Variants in RPL10 observed in about 807,000 individuals in gnomAD.
The protein encoded by RPL10 is large ribosomal subunit protein uL16.
RPL10 carries 1 observed loss-of-function variant against 15.7 expected under a neutral mutation model. The ratio of observed to expected loss-of-function variants is 0.06; its 90% CI spans 0.02 to 0.30. The LOEUF (loss-of-function observed/expected upper bound fraction) is 0.30, where lower values mean the gene tolerates loss of function less well. RPL10 is among the 10% of genes least tolerant of loss of function. The pLI is 1.00. For synonymous variants in RPL10, 59 were observed against 64.0 expected, an observed-to-expected ratio of 0.92 and a Z score of 0.37; for missense variants, 54 against 183.4, an observed-to-expected ratio of 0.29 and a Z score of 4.08.
Position 154,398,388 on chromosome X carries a change from C to A in RPL10, c.-30C>A, listed in dbSNP as rs782405806. The A allele has an allele frequency of 1.6e-5, 13 of 820,064 alleles. No homozygotes were observed. Among genetic ancestry groups the A allele is most frequent in the Non-Finnish European group, 2.0e-5 (11 of 542,994 alleles). 67.6% of individuals were successfully genotyped at this position (820,064 alleles called of 1,213,427 possible). A position where few individuals can be genotyped will look rare whatever the true frequency, so the allele number is the denominator to read the frequency against. On this transcript the variant is annotated 5_prime_UTR_variant, in exon 1 of 7. Coordinates refer to ENST00000369817, the MANE Select transcript of RPL10 (RefSeq NM_006013.5). ...AGGCGGAGGAGCGCCTCTTTCCCTT[C>A]GGTGTGGTGAGTAAGCGCAGTTGTC... is the stretch of plus-strand genomic sequence containing the variant.
chrX:154,399,250 C>A, intron 2 of RPL10, 88 bp from the exon 3 acceptor site: 1 of 949,382 alleles, frequency 1.1e-6, no homozygotes, highest in Non-Finnish European at 1.5e-6. Flanking sequence ...TTTTCCCGTC[C>A]CTCGTTTGGG....
At chrX:154,398,182 C>A (rs1557184709), upstream of RPL10, 2 of 430,879 alleles carry the variant, frequency 4.6e-6, no homozygotes, top group Admixed American at 3.2e-5. Context: ...GTCAGCTGGC[C>A]GCCCGCGGCC....
At position 154,401,075 on chromosome X, in the gene RPL10, A is replaced by G. The variant is rs1430969870; in HGVS notation, c.*221A>G. On this transcript the variant is annotated 3_prime_UTR_variant, in exon 7 of 7. Coordinates refer to ENST00000369817, the MANE Select transcript of RPL10 (RefSeq NM_006013.5). Reference sequence around the variant, plus strand: ...ACTGGTGGCCTTATGTCAGTTGTCTACTCTGGAGCTTGACTTGGACCTCCC... The same window carrying G: ...ACTGGTGGCCTTATGTCAGTTGTCTGCTCTGGAGCTTGACTTGGACCTCCC... The G allele has an allele frequency of 1.9e-6, 2 of 1,039,129 alleles. No homozygotes were observed. Among genetic ancestry groups the G allele is most frequent in the African/African-American group, 3.8e-5 (2 of 52,678 alleles). The allele number at this position is 1,039,129 out of a possible 1,213,427, so 85.6% of individuals were successfully genotyped here.
chrX:154,401,544 T>A lies in RPL10; in HGVS notation c.*690T>A, dbSNP rs2068035360. On this transcript the variant is annotated 3_prime_UTR_variant, in exon 7 of 7. Coordinates refer to ENST00000369817, the MANE Select transcript of RPL10 (RefSeq NM_006013.5). ...GTGGCATGGTTTGGCCTGGGGATCT[T>A]AGATGTCTGACCTGAACTATTGTAG... 1 of 117,011 alleles carries A rather than the reference T, an allele frequency of 8.5e-6. No homozygotes were observed. Among genetic ancestry groups the A allele is most frequent in the African/African-American group, 3.2e-5 (1 of 30,813 alleles). The allele number at this position is 117,011 out of a possible 1,213,427, so 9.6% of individuals were successfully genotyped here. A position where few individuals can be genotyped will look rare whatever the true frequency, so the allele number is the denominator to read the frequency against.
rs369963498 is a variant in RPL10, at chrX:154,400,856, G to C, written c.*2G>C. The C allele has an allele frequency of 7.4e-6, 9 of 1,211,268 alleles. No homozygotes were observed. The highest frequency in any genetic ancestry group is 3.5e-5 in the South Asian group (2 of 56,945). ...AAGTGGCGGGCCCTGCACTCATGAG[G>C]GCTTCCAATGTGCTGCCCCCCTCTT... is the stretch of plus-strand genomic sequence containing the variant. On this transcript the variant is annotated 3_prime_UTR_variant, in exon 7 of 7. Coordinates refer to ENST00000369817, the MANE Select transcript of RPL10 (RefSeq NM_006013.5).
At chrX:154,399,311 A>T in intron 2 of RPL10, 27 bp from the exon 3 acceptor site, 1 of 1,207,082 alleles carries the variant, frequency 8.3e-7, no homozygotes, top group Non-Finnish European at 1.1e-6. Flanking sequence ...AACCTCACCT[A>T]ACCTGTGTTT....
At chrX:154,398,687 G>A in intron 2 of RPL10, 145 bp downstream of exon 2, 1 of 721,088 alleles carries the variant, frequency 1.4e-6, no homozygotes, top group Admixed American at 2.6e-5. Flanking sequence ...ACACCTCCCG[G>A]CTATTTTTTA....
intron 5 of RPL10, 52 bp downstream of exon 5, chrX:154,399,993 C>T (rs1557185545): frequency 4.2e-6 from 5 of 1,193,858 alleles, no homozygotes; most frequent in South Asian, 1.8e-5. Context: ...CATTATTAGG[C>T]TTGCATTATT....
chrX:154,400,090 CAG>C (rs2067997048), intron 5 of RPL10, 149 bp downstream of exon 5: 1 of 674,478 alleles, frequency 1.5e-6, no homozygotes, highest in Admixed American at 2.6e-5. Context: ...AGTGGTCACT[CAG>C]GACCCCTTCC....
At chrX:154,398,654 C>A in intron 2 of RPL10, 112 bp downstream of exon 2, 1 of 937,154 alleles carries the variant, frequency 1.1e-6, no homozygotes, top group Non-Finnish European at 1.5e-6. Context: ...GCGGCCCTGT[C>A]TTGGGAACTG....
chrX:154,398,203 G>A (rs782518238), upstream of RPL10: 2 of 458,321 alleles, frequency 4.4e-6, no homozygotes, highest in South Asian at 5.1e-5. Flanking sequence ...CTGGTACCCG[G>A]TCACCTCTCT....
chrX:154,401,912 CTCT>C lies in RPL10; in HGVS notation c.*1063_*1065del, dbSNP rs782150080. ...TCCCAGCCAGTGTTTTTCCTGACCTCTCTTCTTTGGAGAGGAGGATGGAAGGGA... is the reference window on the plus strand; with the variant it reads ...TCCCAGCCAGTGTTTTTCCTGACCTCTCTTTGGAGAGGAGGATGGAAGGGA... On this transcript the variant is annotated 3_prime_UTR_variant, in exon 7 of 7. Coordinates refer to ENST00000369817, the MANE Select transcript of RPL10 (RefSeq NM_006013.5). 8.9e-5 allele frequency: 10 copies of C among 111,981 alleles called. No individual in the cohort carries two copies. Among genetic ancestry groups the C allele is most frequent in the East Asian group, 8.4e-4 (3 of 3,592 alleles). The allele number at this position is 111,981 out of a possible 1,213,427, so 9.2% of individuals were successfully genotyped here.
At position 154,399,768 on chromosome X, in the gene RPL10, TCTC is replaced by T. The variant is rs782254855; in HGVS notation, c.191-34_191-32del. The T allele has an allele frequency of 3.3e-6, 4 of 1,207,324 alleles. No individual in the cohort carries two copies. In the African/African-American group the frequency reaches 7.0e-5, roughly 21 times the overall value. ...CGTGGTGAATGTTTCTCTATTATCT[TCTC>T]TCACTTTGCTGCTTTTCTTCTCCCT... On this transcript the variant is annotated intron_variant, in intron 4 of 6. Transcript: ENST00000369817.
At position 154,401,371 on chromosome X, in the gene RPL10, A is replaced by C. The variant is rs993023693; in HGVS notation, c.*517A>C. ...CCAGGTACTGCTGAGGTCACCTGCG[A>C]TTTGCCCCATTTCCTATCTCTAGCA... On this transcript the variant is annotated 3_prime_UTR_variant, in exon 7 of 7. Coordinates refer to ENST00000369817, the MANE Select transcript of RPL10 (RefSeq NM_006013.5). 1.5e-4 allele frequency: 23 copies of C among 151,496 alleles called. No homozygotes were observed. The South Asian group carries it at 3.5e-3, about 23-fold the overall frequency. The allele number at this position is 151,496 out of a possible 1,213,427, so 12.5% of individuals were successfully genotyped here.
intron 5 of RPL10, chrX:154,400,243 G>A: frequency 1.8e-6 from 1 of 568,157 alleles, no homozygotes; most frequent in East Asian, 3.3e-5. Context: ...GCTGGCAGAG[G>A]AGCCCAGTGG....
rs1185309753 is a variant in RPL10, at chrX:154,398,401, AAGCGCAGTTGTCGTC to A, written c.-24+8_-24+22del. The A allele has an allele frequency of 1.1e-6, 1 of 909,600 alleles. No homozygotes were observed. Among genetic ancestry groups the A allele is most frequent in the African/African-American group, 1.9e-5 (1 of 51,749 alleles). The allele number at this position is 909,600 out of a possible 1,213,427, so 75.0% of individuals were successfully genotyped here. On this transcript the variant is annotated splice_region_variant and intron_variant, in intron 1 of 6. Coordinates refer to ENST00000369817, the MANE Select transcript of RPL10 (RefSeq NM_006013.5). ...CCTCTTTCCCTTCGGTGTGGTGAGT[AAGCGCAGTTGTCGTC>A]TCTTGCGGTGCCGTTGCTGGTTCTC...
chrX:154,400,008 CAG>C (rs2067994428), intron 5 of RPL10, 67 bp downstream of exon 5: 8 of 1,173,943 alleles, frequency 6.8e-6, no homozygotes, highest in African/African-American at 1.8e-5. Flanking sequence ...ATTATTTTAT[CAG>C]AGCATAGAGG....
chrX:154,398,551 T>A lies in RPL10; in HGVS notation c.23+9T>A, dbSNP rs2070820. 4.3e-3 allele frequency: 5,243 copies of A among 1,209,684 alleles called. 154 individuals are homozygous for A. The Admixed American group carries it at 0.068, about 16-fold the overall frequency. ...CGCCGCCCCGCCCGTTGGTGAGTCT[T>A]GAATCCGTGTACTTTCACTGCTGGG... On this transcript the variant is annotated intron_variant, in intron 2 of 6. Coordinates refer to ENST00000369817, the MANE Select transcript of RPL10 (RefSeq NM_006013.5).
Position 154,399,329 on chromosome X carries a change from C to A in RPL10, c.24-9C>A, listed in dbSNP as rs782238076. ...CTCACCTAACCTGTGTTTTTTCACTCCCCTGCAGTTACCGGTATTGTAAGA... is the reference window on the plus strand; with the variant it reads ...CTCACCTAACCTGTGTTTTTTCACTACCCTGCAGTTACCGGTATTGTAAGA... On this transcript the variant is annotated splice_polypyrimidine_tract_variant and intron_variant, in intron 2 of 6. Transcript: ENST00000369817. The A allele has an allele frequency of 5.0e-6, 6 of 1,210,884 alleles. No homozygotes were observed. The South Asian group carries it at 8.8e-5, about 18-fold the overall frequency.
Sources: allele counts gnomAD v4.1 joint callset, GRCh38; gene constraint gnomAD v4.1.1; transcripts MANE v1.5; gene names NCBI Gene and HGNC (gene_info 2026-07-23, HGNC 2026-07-21).